Variants in CFAP43 observed in about 807,000 individuals in gnomAD.
CFAP43 encodes the protein cilia and flagella associated protein 43, also known as cilia- and flagella-associated protein 43.
In CFAP43, 155 loss-of-function variants were observed where a neutral mutation model predicts 218.9. The ratio of observed to expected loss-of-function variants is 0.71; its 90% CI spans 0.62 to 0.81. The LOEUF is 0.81. Ranked by LOEUF, CFAP43 falls within the 30% of genes least tolerant of loss-of-function variation. The pLI is 0.00. For synonymous variants in CFAP43, 645 were observed against 681.3 expected, an observed-to-expected ratio of 0.95 and a Z score of 0.83; for missense variants, 1,778 against 1,954.3, an observed-to-expected ratio of 0.91 and a Z score of 1.70.
In CFAP43 at chr10:104,139,581, A is replaced by AAG. The variant is rs575249756; in HGVS notation, c.4431+1259_4431+1260dup. Among the ~76,000 whole-genome samples, 143 of 152,048 alleles carry AAG rather than the reference A, an allele frequency of 9.4e-4. 1 individual carries two copies. The highest frequency in any genetic ancestry group is 3.3e-3 in the African/African-American group (135 of 41,494). On this transcript the variant is annotated intron_variant, in intron 34 of 37. Coordinates refer to ENST00000357060, the MANE Select transcript of CFAP43 (RefSeq NM_025145.7). ...AGAAAATGAACATCTTTAAAATGAA[A>AAG]AGAGAGAGAGAGAGAACAAATGAAC...
intron 2 of CFAP43, among the ~76,000 whole-genome samples, chr10:104,228,327 T>C (rs78115592): frequency 6.6e-6 from 1 of 152,180 alleles, no homozygotes; most frequent in African/African-American, 2.4e-5. Flanking sequence ...TTCTTTTTGG[T>C]GGTAGCCTCT....
intron 3 of CFAP43, among the ~76,000 whole-genome samples, chr10:104,217,239 G>A (rs1218751204): frequency 6.6e-6 from 1 of 152,162 alleles, no homozygotes; most frequent in African/African-American, 2.4e-5. Flanking sequence ...CTTGAAGCTG[G>A]CTGTGGCTTA....
intron 28 of CFAP43, among the ~76,000 whole-genome samples, chr10:104,150,136 G>A (rs1396838877): frequency 6.6e-6 from 1 of 151,942 alleles, no homozygotes; most frequent in African/African-American, 2.4e-5. Context: ...TTTTATTGTG[G>A]GATAATACTC....
At chr10:104,160,280 G>A (rs758666552) in intron 27 of CFAP43, among the ~76,000 whole-genome samples, 1 of 152,120 alleles carries the variant, frequency 6.6e-6, no homozygotes, top group Non-Finnish European at 1.5e-5. Context: ...TTGGCTTTGA[G>A]TAAGAACCAT....
intron 34 of CFAP43, among the ~76,000 whole-genome samples, chr10:104,134,774 G>T (rs1047325692): frequency 1.3e-5 from 2 of 152,046 alleles, no homozygotes; most frequent in Non-Finnish European, 2.9e-5. Flanking sequence ...GGACAAGAAG[G>T]CTTCACTGAT....
intron 31 of CFAP43, among the ~76,000 whole-genome samples, chr10:104,145,141 C>A (rs766179476): frequency 6.6e-6 from 1 of 152,152 alleles, no homozygotes; most frequent in Non-Finnish European, 1.5e-5. Context: ...TTTGTTTGAA[C>A]GCACTTTAGA....
At chr10:104,137,809 AAAAAC>A (rs1449461254) in intron 34 of CFAP43, among the ~76,000 whole-genome samples, 2 of 152,176 alleles carry the variant, frequency 1.3e-5, no homozygotes, top group African/African-American at 4.8e-5. Context: ...TCAAAAAACA[AAAAAC>A]AAAACAAAAC....
rs140086943 is a variant in CFAP43 at position 104,133,433 on chromosome 10, G to A, written c.4596+187C>T. 397 of 527,620 alleles carry A rather than the reference G, an allele frequency of 7.5e-4. 7 individuals are homozygous for A. The East Asian group carries it at 0.011, about 15-fold the overall frequency. 32.7% of individuals were successfully genotyped at this position (527,620 alleles called of 1,614,324 possible). A position where few individuals can be genotyped will look rare whatever the true frequency, so the allele number is the denominator to read the frequency against. The stretch of plus-strand genomic sequence containing the variant: ...CTGAGTAGAATGATTCTACTAAATG[G>A]GTCATGAAGAACTGGAGGCTGCAAA... On this transcript the variant is annotated intron_variant, in intron 35 of 37. Coordinates refer to ENST00000357060, the MANE Select transcript of CFAP43 (RefSeq NM_025145.7).
chr10:104,192,510 C>A (rs932692362), intron 11 of CFAP43: 3 of 508,306 alleles, frequency 5.9e-6, no homozygotes, highest in African/African-American at 4.0e-5. Context: ...CAAATTGCAA[C>A]TTTAATAAAT....
intron 27 of CFAP43, 139 bp downstream of exon 27, chr10:104,160,898 C>T (rs1589670036): frequency 1.2e-6 from 1 of 826,246 alleles, no homozygotes; most frequent in Non-Finnish European, 1.7e-6. Context: ...CCACTTACTT[C>T]TCCAAATTCT....
chr10:104,131,997 A>G, intron 36 of CFAP43, 119 bp downstream of exon 36: 1 of 661,220 alleles, frequency 1.5e-6, no homozygotes, highest in Non-Finnish European at 2.4e-6. Context: ...CCTCATGAAT[A>G]CTAGTAAATA....
intron 5 of CFAP43, 50 bp from the exon 6 acceptor site, chr10:104,207,874 AG>A: frequency 6.4e-7 from 1 of 1,560,220 alleles, no homozygotes; most frequent in Non-Finnish European, 8.7e-7. Flanking sequence ...CACGGCTAAA[AG>A]CCTGAGAAAT....
At chr10:104,183,543 CCG>C (rs1331446818) in intron 16 of CFAP43, among the ~76,000 whole-genome samples, 3 of 152,094 alleles carry the variant, frequency 2.0e-5, no homozygotes, top group Non-Finnish European at 4.4e-5. Flanking sequence ...GCGCCCGCCA[CCG>C]CGCCCGGCTA....
At chr10:104,164,934 C>T (rs2134824000) in intron 23 of CFAP43, among the ~76,000 whole-genome samples, 1 of 152,272 alleles carries the variant, frequency 6.6e-6, no homozygotes, top group Non-Finnish European at 1.5e-5. Flanking sequence ...ATTCTCTCTA[C>T]TTTTGTACAA....
Position 104,140,973 on chromosome 10 carries a change from A to G in CFAP43, c.4300T>C (p.Leu1434=), listed in dbSNP as rs748062076. The change falls in exon 34 of 38, where the codon TTG becomes CTG. Residue 1434 remains leucine (L), a synonymous_variant. Coordinates refer to ENST00000357060, the MANE Select transcript of CFAP43 (RefSeq NM_025145.7). The part of the protein sequence containing the change: ...LLQEEKVRFQ[L]NLTIQILLKQ... ...AGAAGAATTTGGATTGTCAAATTCA[A>G]CTGGAATCTCACTTTCTCTTCCTGT... The G allele has an allele frequency of 1.4e-5, 23 of 1,612,058 alleles. No homozygotes were observed. The highest frequency in any genetic ancestry group is 8.5e-7 in the Non-Finnish European group (1 of 1,179,436).
rs1364366330 is a variant in CFAP43 at position 104,232,039 on chromosome 10, G to A, written c.65+143C>T. Reference sequence around the variant, plus strand: ...AGGTCACACGGGGAGGGAGGCTGAGGGAAGGCACTGGGGGCAGAGGGGAAG... The same window carrying A: ...AGGTCACACGGGGAGGGAGGCTGAGAGAAGGCACTGGGGGCAGAGGGGAAG... On this transcript the variant is annotated intron_variant, in intron 1 of 37. Coordinates refer to ENST00000357060, the MANE Select transcript of CFAP43 (RefSeq NM_025145.7). 5 of 862,362 alleles carry A rather than the reference G, an allele frequency of 5.8e-6. No homozygotes were observed. In the Admixed American group the frequency reaches 1.4e-4, roughly 25 times the overall value. 53.4% of individuals were successfully genotyped at this position (862,362 alleles called of 1,614,324 possible).
chr10:104,218,524 G>C (rs2091085930), intron 3 of CFAP43, among the ~76,000 whole-genome samples: 1 of 151,848 alleles, frequency 6.6e-6, no homozygotes, highest in South Asian at 2.1e-4. Flanking sequence ...GATTTAACTG[G>C]CCGAGGGGAG....
chr10:104,130,305 C>G lies in CFAP43; in HGVS notation c.4832G>C (p.Gly1611Ala), dbSNP rs762682633. 3 of 1,602,606 alleles carry G rather than the reference C, an allele frequency of 1.9e-6. No individual in the cohort carries two copies. The highest frequency in any genetic ancestry group is 2.5e-6 in the Non-Finnish European group (3 of 1,177,670). ...SERKDICNAM[G>A]SKLTCEKIVK... ...AATCTTTTCACAAGTCAGTTTAGAC[C>G]CTATCCCAAAAATGAATAAAGGAAT... The change falls in exon 38 of 38, where the codon GGG (glycine) becomes GCG (alanine). Residue 1611 changes from glycine to alanine, a missense_variant and splice_region_variant. This residue lies in a region of CFAP43 where 211 missense variants were observed against 230.6 expected (regional missense o/e 0.91). Transcript: ENST00000357060.
At chr10:104,132,328 T>C in intron 35 of CFAP43, 132 bp from the exon 36 acceptor site, 1 of 736,566 alleles carries the variant, frequency 1.4e-6, no homozygotes, top group Non-Finnish European at 2.1e-6. Context: ...TTGATTTGGC[T>C]TGGCCAGGCG....
Sources: gnomAD v4.1 joint callset for allele counts (sites outside exome capture counted in the v4.1 genomes callset) on GRCh38, gnomAD v4.1.1 for gene constraint, gnomAD v4.1.1 regional missense constraint, MANE v1.5 for transcripts, NCBI Gene and HGNC (gene_info 2026-07-23, HGNC 2026-07-21) for gene names.